HCFC1: variants seen among roughly 807,000 people sequenced by gnomAD.
The protein encoded by HCFC1 is host cell factor C1, also known as host cell factor 1.
In HCFC1, 7 loss-of-function variants were observed where a neutral mutation model predicts 105.5. The observed-to-expected ratio is 0.07, with a 90% CI of 0.04 to 0.12. HCFC1 has a LOEUF of 0.12. Ranked by LOEUF, HCFC1 falls within the 10% of genes least tolerant of loss-of-function variation. HCFC1 has a pLI of 1.00. For missense variants in HCFC1, 1,065 were observed against 1,823.6 expected (o/e 0.58, Z 7.58); for synonymous variants, 918 against 828.1 (o/e 1.11, Z -1.86).
rs1355922029 is a variant in HCFC1 at position 153,954,511 on chromosome X, G to C, written c.3888C>G (p.Thr1296=). The C allele has an allele frequency of 1.7e-6, 2 of 1,210,185 alleles. No homozygotes were observed. Among genetic ancestry groups the C allele is most frequent in the Non-Finnish European group, 1.1e-6 (1 of 894,933 alleles). The change falls in exon 17 of 26, where the codon ACC becomes ACG. Residue 1296 remains threonine, a synonymous_variant. Coordinates refer to ENST00000310441, the MANE Select transcript of HCFC1 (RefSeq NM_005334.3). ...TQVCSNPPCE[T]HETGTTNTAT... ...CGGTGTTGGTGGTGCCTGTCTCGTG[G>C]GTCTCACATGGTGGGTTGGAGCAGA...
In HCFC1 at chrX:153,950,799, A is replaced by C. The variant is rs1487399140; in HGVS notation, c.5703+14T>G. On this transcript the variant is annotated intron_variant, in intron 23 of 25. Coordinates refer to ENST00000310441, the MANE Select transcript of HCFC1 (RefSeq NM_005334.3). ...CCAACCAGGGACAGACGGCCACCCC[A>C]CAGCAAGACTCACTTTGCTGATTTT... The C allele has an allele frequency of 3.3e-6, 4 of 1,201,326 alleles. No individual in the cohort carries two copies. Among genetic ancestry groups the C allele is most frequent in the Non-Finnish European group, 4.5e-6 (4 of 890,408 alleles).
At chrX:153,958,909 A>T in intron 9 of HCFC1, 143 bp from the exon 10 acceptor site, 1 of 454,272 alleles carries the variant, frequency 2.2e-6, no homozygotes, top group Non-Finnish European at 3.5e-6. Flanking sequence ...CTCTACTGCC[A>T]GACCCCGCTC....
rs781819351 is a variant in HCFC1, at chrX:153,967,141, C to A, written c.194-2415G>T. ...GAGTCCTGGTTCCGCCCCCTGAAAG[C>A]ACACGAGCAAGCTCTCCTCCCTTCT... On this transcript the variant is annotated intron_variant, in intron 1 of 25. Transcript: ENST00000310441. Among the ~76,000 whole-genome samples, 927 of 112,308 alleles carry A rather than the reference C, an allele frequency of 8.3e-3. 6 individuals are homozygous for A. Among genetic ancestry groups the A allele is most frequent in the Non-Finnish European group, 0.014 (739 of 53,101 alleles).
At position 153,952,908 on chromosome X, in the gene HCFC1, TGGCGGCAGCTGCTGGCGA is replaced by T. The variant is rs1557113073; in HGVS notation, c.4530_4547del (p.Gln1513_Gln1518del). ...TGGAAGCCGACTGCAGAAGCTGCCG[TGGCGGCAGCTGCTGGCGA>T]GGACCTGGCGACACCTGGAGTTCCT... On this transcript the variant is annotated inframe_deletion, in exon 19 of 26. Transcript: ENST00000310441. 3 of 1,179,904 alleles carry T rather than the reference TGGCGGCAGCTGCTGGCGA, an allele frequency of 2.5e-6. No individual in the cohort carries two copies. Among genetic ancestry groups the T allele is most frequent in the Non-Finnish European group, 3.4e-6 (3 of 880,185 alleles).
rs1557111888 is a variant in HCFC1, at chrX:153,949,565, G to A, written c.6056C>T (p.Ser2019Phe). ...GCTTCCTGCTTACATTTCTGGAGAGGACATGGGCCGCTTGTTGGCTGGCTT... is the reference window on the plus strand; with the variant it reads ...GCTTCCTGCTTACATTTCTGGAGAGAACATGGGCCGCTTGTTGGCTGGCTT... ...GTKPANKRPM[S>F]SPEMKSAPKK... The change falls in exon 25 of 26, where the codon TCC (serine) becomes TTC (phenylalanine). Residue 2019 changes from serine (S) to phenylalanine (F), a missense_variant. By Grantham distance (155) the Ser-to-Phe change is radical. Coordinates refer to ENST00000310441, the MANE Select transcript of HCFC1 (RefSeq NM_005334.3). The A allele has an allele frequency of 7.4e-6, 9 of 1,210,654 alleles. No homozygotes were observed. Among genetic ancestry groups the A allele is most frequent in the Admixed American group, 2.2e-5 (1 of 46,091 alleles).
intron 2 of HCFC1, 35 bp from the exon 3 acceptor site, chrX:153,964,319 A>G (rs2065456155): frequency 8.8e-7 from 1 of 1,131,305 alleles, no homozygotes; most frequent in Non-Finnish European, 1.2e-6. Context: ...GAACCGTGGG[A>G]TGAGAAGGCC....
Position 153,949,620 on chromosome X carries a change from G to C in HCFC1, c.6005-4C>G. ...CCAGAGCTGTCTTTACTGGTTTCTGGAAGGAACGGGAGAGATGCGTGAGCA... is the reference window on the plus strand; with the variant it reads ...CCAGAGCTGTCTTTACTGGTTTCTGCAAGGAACGGGAGAGATGCGTGAGCA... On this transcript the variant is annotated splice_polypyrimidine_tract_variant and splice_region_variant and intron_variant, in intron 24 of 25. Coordinates refer to ENST00000310441, the MANE Select transcript of HCFC1 (RefSeq NM_005334.3). 8.3e-7 allele frequency: 1 copy of C among 1,204,192 alleles called. No individual in the cohort carries two copies. The highest frequency in any genetic ancestry group is 1.7e-5 in the African/African-American group (1 of 57,726).
chrX:153,963,109 T>C (rs2065444666), intron 4 of HCFC1, 116 bp downstream of exon 4: 2 of 551,113 alleles, frequency 3.6e-6, no homozygotes, highest in African/African-American at 2.3e-5. Context: ...CACGAAGTGG[T>C]ATGCTCCAGC....
chrX:153,951,237 C>A, intron 22 of HCFC1, 113 bp downstream of exon 22: 1 of 904,177 alleles, frequency 1.1e-6, no homozygotes, highest in Non-Finnish European at 1.6e-6. Flanking sequence ...CTTCCTCAGG[C>A]TTCCTGGCTA....
At position 153,953,751 on chromosome X, in the gene HCFC1, G is replaced by C; in HGVS notation, c.4353C>G (p.Ser1451Arg). 1 of 1,207,860 alleles carries C rather than the reference G, an allele frequency of 8.3e-7. No individual in the cohort carries two copies. Among genetic ancestry groups the C allele is most frequent in the East Asian group, 3.0e-5 (1 of 33,784 alleles). ...SSNQDPPPAA[S>R]DQGEVESTQG... is the part of the protein sequence containing the mutation. The stretch of plus-strand genomic sequence containing the variant: ...GGGTGCTCTCCACCTCTCCCTGATC[G>C]CTGGCAGCAGGTGGGGGGTCTGTGG... The change falls in exon 18 of 26, where the codon AGC becomes AGG. Residue 1451 changes from serine to arginine, a missense_variant. Around this residue, in one of 17 missense-constraint regions of HCFC1, gnomAD observed 546 missense variants for 599.9 expected, o/e 0.91. Transcript: ENST00000310441.
rs1557112643 is a variant in HCFC1, at chrX:153,951,881, G to A, written c.5220C>T (p.Val1740=). 8.4e-7 allele frequency: 1 copy of A among 1,195,991 alleles called. No homozygotes were observed. The highest frequency in any genetic ancestry group is 3.0e-5 in the East Asian group (1 of 33,607). Residue 1740 remains valine, a synonymous_variant, in exon 20 of 26, where the codon GTC becomes GTT. Transcript: ENST00000310441. ...AGGGCAGCAGCGCCACAGTGCTGGG[G>A]ACCGTGCCGGCCAGCTCATTGAGGC... ...SNCLNELAGT[V]PSTVALLPST...
Position 153,958,555 on chromosome X carries a change from CG to C in HCFC1, c.1803+13del, listed in dbSNP as rs781803376. 5 of 1,178,076 alleles carry C rather than the reference CG, an allele frequency of 4.2e-6. No individual in the cohort carries two copies. Among genetic ancestry groups the C allele is most frequent in the Middle Eastern group, 2.4e-4 (1 of 4,221 alleles). On this transcript the variant is annotated intron_variant, in intron 10 of 25. Transcript: ENST00000310441. ...CTTGTTTGACCACAGTGACAAGCCC[CG>C]GAAGACGCTCACCATGACTGGCGAG... is the stretch of plus-strand genomic sequence containing the variant.
Position 153,963,080 on chromosome X carries a change from C to T in HCFC1, c.712+145G>A, listed in dbSNP as rs1421146477. On this transcript the variant is annotated intron_variant, in intron 4 of 25. Transcript: ENST00000310441. ...CGATCCAGGGTTCCCCACCCTGGCC[C>T]ACCATGACAAGAGGAAAGCACGAAG... The T allele has an allele frequency of 8.1e-6, 4 of 495,271 alleles. No homozygotes were observed. The African/African-American group carries it at 9.4e-5, about 12-fold the overall frequency. 40.8% of individuals were successfully genotyped at this position (495,271 alleles called of 1,213,427 possible).
At chrX:153,953,120 G>A (rs1557113157) in intron 18 of HCFC1, 162 bp from the exon 19 acceptor site, 1 of 503,348 alleles carries the variant, frequency 2.0e-6, no homozygotes, top group Admixed American at 2.8e-5. Context: ...CCTGTCAGAG[G>A]GGAGGAGAGG....
chrX:153,963,978 G>C, intron 3 of HCFC1, 146 bp downstream of exon 3: 1 of 453,894 alleles, frequency 2.2e-6, no homozygotes, highest in South Asian at 6.3e-5. Flanking sequence ...AGGGCATCCG[G>C]TGCCGCTCTC....
intron 24 of HCFC1, 66 bp from the exon 25 acceptor site, chrX:153,949,682 C>T: frequency 1.0e-5 from 10 of 969,420 alleles, no homozygotes; most frequent in Non-Finnish European, 1.3e-5. Flanking sequence ...ACACATGCGC[C>T]CTGCCCGCCT....
In HCFC1 at chrX:153,966,390, G is replaced by A. The variant is rs782401850; in HGVS notation, c.194-1664C>T. Among the ~76,000 whole-genome samples, 7 of 112,466 alleles carry A rather than the reference G, an allele frequency of 6.2e-5. No individual in the cohort carries two copies. In the East Asian group the frequency reaches 1.7e-3, roughly 27 times the overall value. ...TGAGTCACTGGGCCTCGGACATGCC[G>A]AGCACTAGAGCTCCCCTGCCATTTC... On this transcript the variant is annotated intron_variant, in intron 1 of 25. Coordinates refer to ENST00000310441, the MANE Select transcript of HCFC1 (RefSeq NM_005334.3).
Position 153,954,283 on chromosome X carries a change from G to A in HCFC1, c.4116C>T (p.Ser1372=), listed in dbSNP as rs782247716. 1.0e-5 allele frequency: 12 copies of A among 1,199,093 alleles called. No individual in the cohort carries two copies. The highest frequency in any genetic ancestry group is 2.3e-4 in the Middle Eastern group (1 of 4,283). The change falls in exon 17 of 26, where the codon AGC becomes AGT. Residue 1372 remains serine (S), a synonymous_variant. Coordinates refer to ENST00000310441, the MANE Select transcript of HCFC1 (RefSeq NM_005334.3). The part of the protein sequence containing the change: ...TTSTGTTMSV[S]VGALLPDATS... The stretch of plus-strand genomic sequence containing the variant: ...TGGCGTCGGGAAGCAGGGCACCCAC[G>A]CTGACCGACATGGTGGTGCCAGTGG...
At position 153,957,381 on chromosome X, in the gene HCFC1, C is replaced by T; in HGVS notation, c.2286G>A (p.Lys762=). Residue 762 remains lysine (K), a synonymous_variant, in exon 13 of 26, where the codon AAG becomes AAA. Coordinates refer to ENST00000310441, the MANE Select transcript of HCFC1 (RefSeq NM_005334.3). The part of the protein sequence containing the change: ...GISSVSPSTT[K]PGTTTIIKTI... ...TTTTGATGATGGTGGTCGTGCCGGG[C>T]TTGGTGGTACTGGGGGAGACGCTGC... 8.3e-7 allele frequency: 1 copy of T among 1,207,886 alleles called. No individual in the cohort carries two copies. Among genetic ancestry groups the T allele is most frequent in the Non-Finnish European group, 1.1e-6 (1 of 893,052 alleles).
Sources: allele counts gnomAD v4.1 joint callset (sites outside exome capture counted in the v4.1 genomes callset), GRCh38; gene constraint gnomAD v4.1.1; regional missense constraint gnomAD v4.1.1; transcripts MANE v1.5; gene names NCBI Gene and HGNC (gene_info 2026-07-23, HGNC 2026-07-21).